UBR2: variants seen among roughly 807,000 people sequenced by gnomAD.
UBR2 encodes the protein E3 ubiquitin-protein ligase UBR2.
In UBR2, 92 loss-of-function variants were observed where a neutral mutation model predicts 247.9. The observed-to-expected ratio is 0.37, with a 90% CI of 0.31 to 0.44. The LOEUF (loss-of-function observed/expected upper bound fraction) is 0.44, where lower values mean the gene tolerates loss of function less well. UBR2 is among the 20% of genes least tolerant of loss of function. The probability of loss-of-function intolerance (pLI) is 1.00; values close to 1 mark genes in which losing one functional copy is unlikely to be tolerated. For synonymous variants in UBR2, 672 were observed against 693.5 expected (o/e 0.97, Z 0.49); for missense variants, 1,613 against 2,112.6 (o/e 0.76, Z 4.64).
At chr6:42,613,132 C>G (rs767455540) in intron 8 of UBR2, among the ~76,000 whole-genome samples, 5 of 151,790 alleles carry the variant, frequency 3.3e-5, no homozygotes, top group Non-Finnish European at 2.9e-5. Context: ...TCTAGAAATT[C>G]GGTCATTTTT....
At chr6:42,674,260 G>GC (rs1186479449) in intron 38 of UBR2, 67 bp downstream of exon 38, 1 of 1,457,810 alleles carries the variant, frequency 6.9e-7, no homozygotes, top group Non-Finnish European at 9.5e-7. Flanking sequence ...GGTTTGGTGA[G>GC]CAGTGTAGTG....
chr6:42,631,819 T>G (rs2151950307), intron 11 of UBR2, among the ~76,000 whole-genome samples: 1 of 145,286 alleles, frequency 6.9e-6, no homozygotes, highest in East Asian at 2.0e-4. Context: ...TATTTATACA[T>G]TTTATATATG....
chr6:42,659,874 C>T lies in UBR2; in HGVS notation c.3442+19C>T, dbSNP rs376436703. ...GATCCAGGTAAGTCATAGCTAGATC[C>T]TCATCTTCCCTTTTAATAACAACTG... On this transcript the variant is annotated intron_variant, in intron 30 of 46. Transcript: ENST00000372901. The surrounding 1 kb of genome is among the most constrained non-coding windows in gnomAD (Gnocchi z 4.3). The T allele has an allele frequency of 1.1e-4, 182 of 1,605,930 alleles. No homozygotes were observed. The African/African-American group carries it at 2.0e-3, about 18-fold the overall frequency.
At chr6:42,635,651 C>A in intron 14 of UBR2, 105 bp downstream of exon 14, 1 of 1,347,026 alleles carries the variant, frequency 7.4e-7, no homozygotes, top group South Asian at 1.6e-5. Context: ...AGTGGTGATA[C>A]TTAGTTCATT....
Position 42,688,336 on chromosome 6 carries a change from C to G in UBR2, c.4974C>G (p.Ala1658=). The G allele has an allele frequency of 1.2e-6, 2 of 1,613,902 alleles. No individual in the cohort carries two copies. The highest frequency in any genetic ancestry group is 8.5e-7 in the Non-Finnish European group (1 of 1,180,040). ...AACTGGAAGGGGAGGATGTAGGAGC[C>G]TGCACAGCTCACACCTACTCCTGTG... ...QTELEGEDVG[A]CTAHTYSCGS... The change falls in exon 45 of 47, where the codon GCC becomes GCG. Residue 1658 remains alanine, a synonymous_variant. Coordinates refer to ENST00000372901, the MANE Select transcript of UBR2 (RefSeq NM_001363705.2).
intron 32 of UBR2, 49 bp from the exon 33 acceptor site, chr6:42,665,360 C>G (rs1314648927): frequency 1.4e-6 from 2 of 1,399,030 alleles, no homozygotes; most frequent in Non-Finnish European, 2.0e-6. Flanking sequence ...TCTTTTGTAT[C>G]TTAAGGAACA....
In UBR2 at chr6:42,615,199, T is replaced by C. The variant is rs116305973; in HGVS notation, c.1093+21T>C. The C allele has an allele frequency of 8.3e-4, 1,328 of 1,591,554 alleles. 4 individuals are homozygous for C. The African/African-American group carries it at 0.015, about 18-fold the overall frequency. ...GAAAGGTGAATCTCTTAACTACTTT[T>C]AAGGTGTAGAGGAACCTATATAAGT... On this transcript the variant is annotated intron_variant, in intron 9 of 46. Transcript: ENST00000372901.
At chr6:42,582,502 G>C (rs1791976723) in intron 2 of UBR2, among the ~76,000 whole-genome samples, 1 of 151,942 alleles carries the variant, frequency 6.6e-6, no homozygotes, top group Admixed American at 6.6e-5. Flanking sequence ...TAAAAGGGCA[G>C]GTATATGTTG....
At chr6:42,624,242 G>C (rs1795189490) in intron 11 of UBR2, among the ~76,000 whole-genome samples, 1 of 151,666 alleles carries the variant, frequency 6.6e-6, no homozygotes, top group Non-Finnish European at 1.5e-5. Flanking sequence ...CTGTGTGCAA[G>C]TGATCCACCT....
chr6:42,619,440 TATATATA>T lies in UBR2; in HGVS notation c.1281+1934_1281+1940del, dbSNP rs1235791413. ...ATATATATATATATATATATATATA[TATATATA>T]TATATATTTTTTTTTTTTAGTTCTC... On this transcript the variant is annotated intron_variant, in intron 11 of 46. Coordinates refer to ENST00000372901, the MANE Select transcript of UBR2 (RefSeq NM_001363705.2). 99 of 33,166 alleles carry T rather than the reference TATATATA, an allele frequency of 3.0e-3. 9 individuals are homozygous for T. The East Asian group carries it at 0.057, about 19-fold the overall frequency. The allele number at this position is 33,166 out of a possible 1,614,324, so 2.1% of individuals were successfully genotyped here. A position where few individuals can be genotyped will look rare whatever the true frequency, so the allele number is the denominator to read the frequency against.
chr6:42,647,129 G>A (rs925127300), intron 21 of UBR2, among the ~76,000 whole-genome samples: 1 of 151,906 alleles, frequency 6.6e-6, no homozygotes, highest in Non-Finnish European at 1.5e-5. Flanking sequence ...GCCGAATGAT[G>A]AATAATTCCT....
intron 1 of UBR2, among the ~76,000 whole-genome samples, chr6:42,566,883 T>A (rs1790811640): frequency 6.6e-6 from 1 of 152,344 alleles, no homozygotes; most frequent in East Asian, 1.9e-4. Flanking sequence ...TTCCTTCAAC[T>A]ATATAACCTT....
At chr6:42,630,098 CGTAGTAGTAGTAGCA>C (rs1214974109) in intron 11 of UBR2, among the ~76,000 whole-genome samples, 4 of 151,008 alleles carry the variant, frequency 2.6e-5, no homozygotes, top group Admixed American at 6.6e-5. Flanking sequence ...AATGAACCAT[CGTAGTAGTAGTAGCA>C]GTAGTAGTAG....
At chr6:42,607,161 A>T (rs1793751882) in intron 7 of UBR2, among the ~76,000 whole-genome samples, 1 of 150,988 alleles carries the variant, frequency 6.6e-6, no homozygotes, top group Non-Finnish European at 1.5e-5. Flanking sequence ...TATTCTTTTT[A>T]AAAAATAATT....
At chr6:42,598,445 C>G (rs1427138446) in intron 4 of UBR2, among the ~76,000 whole-genome samples, 5 of 152,090 alleles carry the variant, frequency 3.3e-5, no homozygotes, top group South Asian at 2.1e-4. Context: ...TTTGTTGACC[C>G]TAGGTGTAGG....
Position 42,658,701 on chromosome 6 carries a change from T to A in UBR2, c.3119T>A (p.Leu1040Gln). ...ERKRKAEIAR[L>Q]RREKIMAQMS... is the part of the protein sequence containing the mutation. ...AAGAGAAAAGCAGAGATTGCCAGAC[T>A]GCGCAGAGAAAAGATCATGGCTCAG... The change falls in exon 29 of 47, where the codon CTG becomes CAG. Residue 1040 changes from leucine to glutamine, a missense_variant. Physicochemically the swap from Leu to Gln is moderately radical, Grantham distance 113. Transcript: ENST00000372901. 1.2e-6 allele frequency: 2 copies of A among 1,613,230 alleles called. No individual in the cohort carries two copies. The highest frequency in any genetic ancestry group is 1.7e-6 in the Non-Finnish European group (2 of 1,179,788).
At chr6:42,633,315 A>G (rs957201514) in intron 13 of UBR2, among the ~76,000 whole-genome samples, 2 of 152,094 alleles carry the variant, frequency 1.3e-5, no homozygotes, top group Non-Finnish European at 2.9e-5. Context: ...AATTCTTAGA[A>G]AGGTATGGAG....
chr6:42,653,819 G>A (rs183443593), intron 25 of UBR2, among the ~76,000 whole-genome samples: 40 of 151,992 alleles, frequency 2.6e-4, no homozygotes, highest in African/African-American at 2.4e-4. Flanking sequence ...GTTTCACCAC[G>A]TTGGCCAGGC....
chr6:42,599,553 A>G (rs1243699417), intron 4 of UBR2, among the ~76,000 whole-genome samples: 1 of 152,192 alleles, frequency 6.6e-6, no homozygotes, highest in Non-Finnish European at 1.5e-5. Context: ...AGTACCTTAT[A>G]CTGGTTTTAA....
Sources: gnomAD v4.1 joint callset for allele counts (sites outside exome capture counted in the v4.1 genomes callset) on GRCh38, gnomAD v4.1.1 for gene constraint, Gnocchi (gnomAD v3.1) non-coding constraint, MANE v1.5 for transcripts, NCBI Gene and HGNC (gene_info 2026-07-23, HGNC 2026-07-21) for gene names.